The following VSX2 variants were observed in gnomAD, a reference collection of about 807,000 sequenced individuals.
VSX2 encodes ceh-10 homeo domain containing homolog.
VSX2 carries 28 observed loss-of-function variants against 32.1 expected under a neutral mutation model. That is an observed-to-expected ratio of 0.87 (90% CI 0.65 to 1.20). VSX2 has a LOEUF of 1.20. VSX2 is among the 50% of genes most tolerant of loss of function. The pLI is 0.00. For synonymous variants in VSX2, 243 were observed against 214.1 expected, an observed-to-expected ratio of 1.14 and a Z score of -1.18; for missense variants, 506 against 488.7, an observed-to-expected ratio of 1.04 and a Z score of -0.33.
intron 3 of VSX2, among the ~76,000 whole-genome samples, chr14:74,258,470 C>T (rs2079282142): frequency 6.6e-6 from 1 of 152,102 alleles, no homozygotes; most frequent in Non-Finnish European, 1.5e-5. Context: ...AACAGATTTC[C>T]CAAGCCCGCC....
In VSX2 at chr14:74,241,394, G is replaced by A. The variant is rs143931790; in HGVS notation, c.455+128G>A. 3.1e-4 allele frequency: 325 copies of A among 1,039,586 alleles called. 3 individuals carry two copies. The East Asian group carries it at 8.1e-3, about 26-fold the overall frequency. The allele number at this position is 1,039,586 out of a possible 1,614,324, so 64.4% of individuals were successfully genotyped here. A position where few individuals can be genotyped will look rare whatever the true frequency, so the allele number is the denominator to read the frequency against. On this transcript the variant is annotated intron_variant, in intron 2 of 4. Transcript: ENST00000261980. ...CTGAGGTCCGAGGCCGTGCCAGGGC[G>A]CAGACCACGGGTTGTTTGGCGGAAT...
At position 74,241,868 on chromosome 14, in the gene VSX2, C is replaced by G. The variant is rs148586836; in HGVS notation, c.455+602C>G. Among the ~76,000 whole-genome samples, 2 of 152,154 alleles carry G rather than the reference C, an allele frequency of 1.3e-5. 1 individual carries two copies. The highest frequency in any genetic ancestry group is 4.1e-4 in the South Asian group (2 of 4,830). On this transcript the variant is annotated intron_variant, in intron 2 of 4. Transcript: ENST00000261980. Reference sequence around the variant, plus strand: ...CTCGTCTGCAAAATGGAGTGGTAGGCGATGTAGACTGGACGGTCCCACCAG... The same window carrying G: ...CTCGTCTGCAAAATGGAGTGGTAGGGGATGTAGACTGGACGGTCCCACCAG...
chr14:74,242,938 G>A (rs1014026667), intron 2 of VSX2, among the ~76,000 whole-genome samples: 14 of 152,116 alleles, frequency 9.2e-5, no homozygotes, highest in African/African-American at 3.4e-4. Context: ...CACTCTCTTC[G>A]CCAGGAACAC....
At chr14:74,253,885 G>A (rs796197056) in intron 3 of VSX2, among the ~76,000 whole-genome samples, 1 of 152,036 alleles carries the variant, frequency 6.6e-6, no homozygotes, top group Admixed American at 6.5e-5. Flanking sequence ...AGCTGAGATC[G>A]CGCCATTGCA....
At chr14:74,241,770 A>G (rs1170754136) in intron 2 of VSX2, among the ~76,000 whole-genome samples, 4 of 152,120 alleles carry the variant, frequency 2.6e-5, no homozygotes, top group African/African-American at 9.7e-5. Context: ...CTGCACTGAC[A>G]GAGCATTTTC....
At chr14:74,259,550 T>G in intron 3 of VSX2, 52 bp from the exon 4 acceptor site, 1 of 1,610,432 alleles carries the variant, frequency 6.2e-7, no homozygotes, top group Non-Finnish European at 8.5e-7. Flanking sequence ...GTAAGGGCCT[T>G]GGGCCCAGCA....
intron 2 of VSX2, among the ~76,000 whole-genome samples, chr14:74,241,663 C>T (rs969486204): frequency 6.6e-6 from 1 of 152,246 alleles, no homozygotes; most frequent in Non-Finnish European, 1.5e-5. Flanking sequence ...TGCCCTCGGC[C>T]TCAACCGCCG....
At chr14:74,244,913 T>TGTGTGAGAGAGAGAAAGAGAGAGAGAAA (rs2079176175) in intron 2 of VSX2, among the ~76,000 whole-genome samples, 11 of 59,298 alleles carry the variant, frequency 1.9e-4, no homozygotes, top group Non-Finnish European at 4.1e-4. Context: ...TGTGTGTGTG[T>TGTGTGAGAGAGAGAAAGAGAGAGAGAAA]GTGTGTGTGT....
At position 74,239,492 on chromosome 14, in the gene VSX2, G is replaced by C; in HGVS notation, c.-70G>C. The stretch of plus-strand genomic sequence containing the variant: ...GGGCACCTGGGACCAACTTCGCGAA[G>C]CGGGAAGCCCGGCGGGGGGGTGGGG... On this transcript the variant is annotated 5_prime_UTR_variant, in exon 1 of 5. Transcript: ENST00000261980. The C allele has an allele frequency of 6.5e-7, 1 of 1,547,536 alleles. No individual in the cohort carries two copies.
rs562592634 is a variant in VSX2, at chr14:74,259,778, A to G, written c.756A>G (p.Leu252=). The G allele has an allele frequency of 6.2e-7, 1 of 1,608,344 alleles. No individual in the cohort carries two copies. Among genetic ancestry groups the G allele is most frequent in the African/African-American group, 1.4e-5 (1 of 73,082 alleles). Residue 252 remains leucine, a synonymous_variant, in exon 4 of 5, where the codon CTA becomes CTG. Transcript: ENST00000261980. ...TCATGGACTCCTGTGCCCCGTGGCTACTGGGTAAGAGCCCGCACCCTCCTT... is the reference window on the plus strand; with the variant it reads ...TCATGGACTCCTGTGCCCCGTGGCTGCTGGGTAAGAGCCCGCACCCTCCTT... ...DGIMDSCAPW[L]LGMHKKSLEA...
intron 3 of VSX2, among the ~76,000 whole-genome samples, chr14:74,250,080 A>T (rs1162121228): frequency 6.6e-6 from 1 of 152,198 alleles, no homozygotes; most frequent in East Asian, 1.9e-4. Context: ...ATCTCCACAA[A>T]AAATACAAGA....
chr14:74,255,196 C>G (rs2079255826), intron 3 of VSX2, among the ~76,000 whole-genome samples: 1 of 152,180 alleles, frequency 6.6e-6, no homozygotes, highest in Admixed American at 6.5e-5. Flanking sequence ...TCAGGACTGG[C>G]TGGCCTCAAT....
chr14:74,257,472 C>T (rs2139644227), intron 3 of VSX2, among the ~76,000 whole-genome samples: 1 of 152,364 alleles, frequency 6.6e-6, no homozygotes, highest in Non-Finnish European at 1.5e-5. Context: ...GGCCGTGTAG[C>T]TCCCATGTTT....
At chr14:74,253,887 G>A (rs568219874) in intron 3 of VSX2, among the ~76,000 whole-genome samples, 113 of 152,192 alleles carry the variant, frequency 7.4e-4, no homozygotes, top group Middle Eastern at 3.4e-3. Context: ...CTGAGATCGC[G>A]CCATTGCACT....
At chr14:74,249,977 G>A (rs2079218649) in intron 3 of VSX2, among the ~76,000 whole-genome samples, 2 of 152,018 alleles carry the variant, frequency 1.3e-5, no homozygotes, top group African/African-American at 4.8e-5. Context: ...TAAAACGCTG[G>A]TGCCTGTGAT....
At chr14:74,257,766 G>A (rs1432545706) in intron 3 of VSX2, among the ~76,000 whole-genome samples, 1 of 149,430 alleles carries the variant, frequency 6.7e-6, no homozygotes, top group African/African-American at 2.5e-5. Flanking sequence ...CCCAGGAAGC[G>A]AAGGGTTAAG....
intron 1 of VSX2, among the ~76,000 whole-genome samples, chr14:74,240,444 C>T (rs2079141647): frequency 2.0e-5 from 3 of 152,160 alleles, no homozygotes; most frequent in South Asian, 4.1e-4. Flanking sequence ...ACAACCCGGC[C>T]ATCGCGGCAG....
chr14:74,259,140 G>A (rs1239903075), intron 3 of VSX2, among the ~76,000 whole-genome samples: 1 of 152,198 alleles, frequency 6.6e-6, no homozygotes, highest in South Asian at 2.1e-4. Context: ...CTCACCTGCA[G>A]CCCTCCTGGA....
In VSX2 at chr14:74,262,633, G is replaced by A. The variant is rs1414188000; in HGVS notation, c.*1714G>A. 2.6e-5 allele frequency: 4 copies of A among 152,174 alleles called. No homozygotes were observed. The highest frequency in any genetic ancestry group is 6.5e-5 in the Admixed American group (1 of 15,272). 9.4% of individuals were successfully genotyped at this position (152,174 alleles called of 1,614,324 possible). On this transcript the variant is annotated 3_prime_UTR_variant, in exon 5 of 5. Coordinates refer to ENST00000261980, the MANE Select transcript of VSX2 (RefSeq NM_182894.3). The stretch of plus-strand genomic sequence containing the variant: ...TGAGAAGAAAGAAACTTGATATTGA[G>A]GTGTTTGAAATATGGAACTGTAATA...
Sources: gnomAD v4.1 joint callset for allele counts (sites outside exome capture counted in the v4.1 genomes callset) on GRCh38, gnomAD v4.1.1 for gene constraint, MANE v1.5 for transcripts, NCBI Gene and HGNC (gene_info 2026-07-23, HGNC 2026-07-21) for gene names.